Variants in SCFD2 observed in about 807,000 individuals in gnomAD.
SCFD2 encodes sec1 family domain-containing protein 2.
In SCFD2, 54 loss-of-function variants were observed where a neutral mutation model predicts 58.9. That is an observed-to-expected ratio of 0.92 (90% CI 0.74 to 1.15). The LOEUF (loss-of-function observed/expected upper bound fraction) is 1.15, where lower values mean the gene tolerates loss of function less well. Ranked by LOEUF, SCFD2 falls within the 50% of genes most tolerant of loss-of-function variation. The pLI is 0.00. For synonymous variants in SCFD2, 321 were observed against 335.9 expected (o/e 0.96, Z 0.49); for missense variants, 805 against 836.6 (o/e 0.96, Z 0.47).
chr4:52,932,764 A>C (rs540539786), intron 5 of SCFD2, among the ~76,000 whole-genome samples: 1 of 152,060 alleles, frequency 6.6e-6, no homozygotes, highest in Admixed American at 6.5e-5. Flanking sequence ...CACACACACA[A>C]ATCACTCTCT....
chr4:53,049,946 T>C (rs1723143878), intron 5 of SCFD2, among the ~76,000 whole-genome samples: 1 of 152,188 alleles, frequency 6.6e-6, no homozygotes, highest in Non-Finnish European at 1.5e-5. Flanking sequence ...CATGTATTCA[T>C]TCATAGATTC....
At chr4:52,973,942 GA>G (rs1389865501) in intron 5 of SCFD2, among the ~76,000 whole-genome samples, 11 of 152,130 alleles carry the variant, frequency 7.2e-5, no homozygotes, top group African/African-American at 2.2e-4. Context: ...AATAGATGCA[GA>G]AAAAGTCCTT....
At chr4:53,101,099 C>A (rs1724821492) in intron 5 of SCFD2, among the ~76,000 whole-genome samples, 4 of 152,092 alleles carry the variant, frequency 2.6e-5, no homozygotes, top group Non-Finnish European at 5.9e-5. Flanking sequence ...AAGAAACTAC[C>A]AATACTTTCT....
At chr4:53,247,415 T>C (rs1296036213) in intron 4 of SCFD2, among the ~76,000 whole-genome samples, 1 of 152,206 alleles carries the variant, frequency 6.6e-6, no homozygotes, top group Non-Finnish European at 1.5e-5. Flanking sequence ...ATATAAATTG[T>C]TCTATCATAA....
intron 5 of SCFD2, among the ~76,000 whole-genome samples, chr4:53,079,311 T>C (rs1165070780): frequency 1.3e-5 from 2 of 152,180 alleles, no homozygotes; most frequent in Non-Finnish European, 2.9e-5. Context: ...TGAAAGACAG[T>C]GCCCACTCCC....
chr4:53,302,076 A>G (rs1412763204), intron 3 of SCFD2, among the ~76,000 whole-genome samples: 1 of 152,196 alleles, frequency 6.6e-6, no homozygotes, highest in African/African-American at 2.4e-5. Flanking sequence ...ACTCCTATTC[A>G]ACATAGTGTT....
intron 7 of SCFD2, among the ~76,000 whole-genome samples, chr4:52,892,013 C>T (rs894120500): frequency 1.9e-4 from 29 of 152,246 alleles, no homozygotes; most frequent in Admixed American, 6.5e-5. Context: ...TAGTTCAATG[C>T]CTCACACATG....
At chr4:53,177,940 C>T (rs1727395377) in intron 4 of SCFD2, among the ~76,000 whole-genome samples, 1 of 152,186 alleles carries the variant, frequency 6.6e-6, no homozygotes, top group African/African-American at 2.4e-5. Context: ...TGCAAGGTGG[C>T]AGCAAGGCTG....
At chr4:53,018,985 A>T (rs1244803940) in intron 5 of SCFD2, among the ~76,000 whole-genome samples, 2 of 152,200 alleles carry the variant, frequency 1.3e-5, no homozygotes, top group Non-Finnish European at 2.9e-5. Context: ...AAAGAATAAT[A>T]GTGTTGGAAT....
intron 4 of SCFD2, among the ~76,000 whole-genome samples, chr4:53,214,764 T>C (rs1728754880): frequency 6.6e-6 from 1 of 152,188 alleles, no homozygotes; most frequent in African/African-American, 2.4e-5. Context: ...TAGGTTTTCT[T>C]CTAGGGTTTT....
chr4:53,080,314 A>G (rs749804649), intron 5 of SCFD2, among the ~76,000 whole-genome samples: 15 of 152,166 alleles, frequency 9.9e-5, no homozygotes, highest in Non-Finnish European at 1.8e-4. Flanking sequence ...GGAATCTAAG[A>G]CTTTCTGGCT....
At chr4:53,359,020 A>C (rs1734477235) in intron 1 of SCFD2, among the ~76,000 whole-genome samples, 1 of 152,176 alleles carries the variant, frequency 6.6e-6, no homozygotes, top group Admixed American at 6.5e-5. Context: ...CTTGTTTACC[A>C]CTGTTTCGCT....
chr4:53,184,847 G>T (rs1727693842), intron 4 of SCFD2, among the ~76,000 whole-genome samples: 1 of 152,008 alleles, frequency 6.6e-6, no homozygotes, highest in Non-Finnish European at 1.5e-5. Context: ...ATACCCTGCG[G>T]GCCCATGAAA....
intron 5 of SCFD2, among the ~76,000 whole-genome samples, chr4:53,041,182 A>G (rs1471024480): frequency 1.3e-5 from 2 of 152,180 alleles, no homozygotes; most frequent in African/African-American, 4.8e-5. Flanking sequence ...GGTTTATGCA[A>G]CCATCTGTGG....
At chr4:53,128,877 T>C (rs935441908) in intron 5 of SCFD2, among the ~76,000 whole-genome samples, 8 of 152,222 alleles carry the variant, frequency 5.3e-5, no homozygotes, top group African/African-American at 1.9e-4. Flanking sequence ...ATTTTAACTA[T>C]GAAGAAAACT....
chr4:53,344,018 A>T (rs1318068911), intron 2 of SCFD2, among the ~76,000 whole-genome samples: 2 of 152,186 alleles, frequency 1.3e-5, no homozygotes, highest in African/African-American at 4.8e-5. Context: ...AACTGGAAGC[A>T]TTCCCTTTGA....
At chr4:53,016,100 T>C (rs1333085339) in intron 5 of SCFD2, among the ~76,000 whole-genome samples, 1 of 152,138 alleles carries the variant, frequency 6.6e-6, no homozygotes, top group African/African-American at 2.4e-5. Flanking sequence ...GAGGAATAAA[T>C]AAAACAAACA....
chr4:53,234,417 T>G (rs1729532683), intron 4 of SCFD2, among the ~76,000 whole-genome samples: 1 of 152,178 alleles, frequency 6.6e-6, no homozygotes, highest in African/African-American at 2.4e-5. Context: ...ATTAATTCTC[T>G]CTATAAATAA....
intron 5 of SCFD2, chr4:52,956,030 A>G (rs1343785236): frequency 4.4e-6 from 2 of 456,576 alleles, no homozygotes; most frequent in South Asian, 3.1e-5. Flanking sequence ...GGGACTTCAG[A>G]TTTGTTGGTG....
Sources: gnomAD v4.1 joint callset for allele counts (sites outside exome capture counted in the v4.1 genomes callset) on GRCh38, gnomAD v4.1.1 for gene constraint, MANE v1.5 for transcripts, NCBI Gene and HGNC (gene_info 2026-07-23, HGNC 2026-07-21) for gene names.